The following PNOC variants were observed in gnomAD, a reference collection of about 807,000 sequenced individuals.
PNOC encodes prepronociceptin.
In PNOC, 10 loss-of-function variants were observed where a neutral mutation model predicts 15.6. That is an observed-to-expected ratio of 0.64 (90% CI 0.40 to 1.09). The LOEUF is 1.09. Ranked by LOEUF, PNOC falls within the 50% of genes least tolerant of loss-of-function variation. The pLI is 0.01. For synonymous variants in PNOC, 98 were observed against 88.5 expected, an observed-to-expected ratio of 1.11 and a Z score of -0.60; for missense variants, 220 against 223.9, an observed-to-expected ratio of 0.98 and a Z score of 0.11.
intron 2 of PNOC, among the ~76,000 whole-genome samples, chr8:28,333,893 T>C (rs1036273787): frequency 2.6e-5 from 4 of 152,176 alleles, no homozygotes; most frequent in South Asian, 2.1e-4. Flanking sequence ...ACTTTCCCAG[T>C]GCTAGCCACA....
At chr8:28,340,021 G>A (rs1348302586) in intron 3 of PNOC, 4 of 152,290 alleles carry the variant, frequency 2.6e-5, no homozygotes, top group Non-Finnish European at 4.4e-5. Flanking sequence ...ATTTTACCTG[G>A]ACAAAGAGTT....
chr8:28,337,936 G>T (rs1801441764), intron 2 of PNOC, among the ~76,000 whole-genome samples: 1 of 152,154 alleles, frequency 6.6e-6, no homozygotes, highest in Non-Finnish European at 1.5e-5. Context: ...CTCCAAGGAA[G>T]CTTGGGAAAC....
chr8:28,333,735 C>T (rs1478133967), intron 2 of PNOC, among the ~76,000 whole-genome samples: 1 of 152,162 alleles, frequency 6.6e-6, no homozygotes, highest in Non-Finnish European at 1.5e-5. Context: ...AAGATCTAAG[C>T]ACCTCCAAGT....
chr8:28,337,775 T>C (rs1450284609), intron 2 of PNOC, among the ~76,000 whole-genome samples: 1 of 148,828 alleles, frequency 6.7e-6, no homozygotes, highest in African/African-American at 2.5e-5. Flanking sequence ...GTATTTTTAG[T>C]AGAGATGGGG....
chr8:28,322,997 G>A (rs1801173180), intron 1 of PNOC, among the ~76,000 whole-genome samples: 3 of 152,228 alleles, frequency 2.0e-5, no homozygotes, highest in Admixed American at 2.0e-4. Flanking sequence ...AAGGATGGAG[G>A]TGTATCTGCC....
chr8:28,320,092 CTTTTTTTT>C (rs34876964), intron 1 of PNOC, among the ~76,000 whole-genome samples: 83 of 29,714 alleles, frequency 2.8e-3, no homozygotes, highest in African/African-American at 9.9e-3. Context: ...TTCTTTCTTT[CTTTTTTTT>C]TTTTTTTTTT....
chr8:28,322,822 T>G (rs571251159), intron 1 of PNOC, among the ~76,000 whole-genome samples: 1 of 152,362 alleles, frequency 6.6e-6, no homozygotes, highest in Non-Finnish European at 1.5e-5. Context: ...CTGGCTCTGC[T>G]ACTTATAAAC....
chr8:28,337,086 C>G lies in PNOC; in HGVS notation c.127-1954C>G, dbSNP rs540346684. On this transcript the variant is annotated intron_variant, in intron 2 of 3. Transcript: ENST00000301908. ...GTGAGAAGGGAACAGCCCAGGGCTG[C>G]AGTGGCAGCTCCAGTCTCCTCTCTC... is the stretch of plus-strand genomic sequence containing the variant. Among the ~76,000 whole-genome samples the G allele has an allele frequency of 1.0e-3, 154 of 152,282 alleles. 1 individual carries two copies. The highest frequency in any genetic ancestry group is 2.3e-3 in the African/African-American group (96 of 41,562).
rs377288105 is a variant in PNOC, at chr8:28,330,396, A to ATTTTATTTTATTTTT, written c.126+1117_126+1118insATTTTATTTTTTTTT. Among the ~76,000 whole-genome samples the ATTTTATTTTATTTTT allele has an allele frequency of 6.1e-4, 49 of 80,446 alleles. 1 individual carries two copies. The highest frequency in any genetic ancestry group is 1.2e-3 in the African/African-American group (31 of 25,666). The allele number at this position is 80,446 out of a possible 152,430, so 52.8% of individuals were successfully genotyped here. The stretch of plus-strand genomic sequence containing the variant: ...ATTTTATTTTATTTTATTTTATTTT[A>ATTTTATTTTATTTTT]TTTTTTTTTTTTTTTTGAGACGGAG... On this transcript the variant is annotated intron_variant, in intron 2 of 3. Coordinates refer to ENST00000301908, the MANE Select transcript of PNOC (RefSeq NM_006228.5).
intron 2 of PNOC, among the ~76,000 whole-genome samples, chr8:28,336,408 G>A (rs991062835): frequency 1.3e-5 from 2 of 152,228 alleles, no homozygotes; most frequent in East Asian, 1.9e-4. Flanking sequence ...TCAGAGAGGG[G>A]CAGCACTGGA....
chr8:28,320,399 G>A (rs1217329379), intron 1 of PNOC, among the ~76,000 whole-genome samples: 1 of 152,146 alleles, frequency 6.6e-6, no homozygotes, highest in Non-Finnish European at 1.5e-5. Context: ...GGTGGCCAGA[G>A]CGCTGGCTTC....
At chr8:28,318,108 C>T (rs1409586917) in intron 1 of PNOC, among the ~76,000 whole-genome samples, 1 of 152,084 alleles carries the variant, frequency 6.6e-6, no homozygotes, top group East Asian at 1.9e-4. Flanking sequence ...TCATAGTCAC[C>T]GCATCCCAAC....
chr8:28,338,090 T>A lies in PNOC; in HGVS notation c.127-950T>A, dbSNP rs145948651. ...CGCTATGATGAGGAGCTCTGCCTAC[T>A]GACTCACAGCAGTAAGGTCAGGTTG... On this transcript the variant is annotated intron_variant, in intron 2 of 3. Transcript: ENST00000301908. Among the ~76,000 whole-genome samples, 998 of 152,314 alleles carry A rather than the reference T, an allele frequency of 6.6e-3. 7 individuals are homozygous for A. Among genetic ancestry groups the A allele is most frequent in the African/African-American group, 0.023 (937 of 41,566 alleles).
chr8:28,325,457 C>G (rs937773042), intron 1 of PNOC, among the ~76,000 whole-genome samples: 1 of 151,888 alleles, frequency 6.6e-6, no homozygotes, highest in African/African-American at 2.4e-5. Context: ...AGTTCAAGAC[C>G]AGCCTGGCCA....
At chr8:28,330,581 A>AT (rs1933484725) in intron 2 of PNOC, among the ~76,000 whole-genome samples, 2 of 62,682 alleles carry the variant, frequency 3.2e-5, no homozygotes. Context: ...TTTTTTTTGT[A>AT]TTTTTAGTAG....
intron 2 of PNOC, among the ~76,000 whole-genome samples, chr8:28,335,918 GGA>G (rs1491446975): frequency 5.5e-4 from 40 of 73,200 alleles, no homozygotes; most frequent in Non-Finnish European, 6.3e-4. Context: ...TGTCTCCAAA[GGA>G]AAAAAAAAAA....
At chr8:28,326,600 GC>G (rs75187030) in intron 1 of PNOC, among the ~76,000 whole-genome samples, 34,526 of 152,046 alleles carry the variant, frequency 0.23, 4,719 homozygotes, top group Admixed American at 0.39. Context: ...GGTAGCATAT[GC>G]CTGTAATCTC....
In PNOC at chr8:28,339,150, T is replaced by C. The variant is rs1291081253; in HGVS notation, c.237T>C (p.His79=). The change falls in exon 3 of 4, where the codon CAT becomes CAC. Residue 79 remains histidine, a synonymous_variant. Transcript: ENST00000301908. The part of the protein sequence containing the change: ...SWQLSPAAPE[H]VAAALYQPRA... The stretch of plus-strand genomic sequence containing the variant: ...AGCTCAGCCCTGCCGCCCCAGAGCA[T>C]GTGGCGGCTGCTCTCTACCAGCCGA... 2 of 1,613,244 alleles carry C rather than the reference T, an allele frequency of 1.2e-6. No individual in the cohort carries two copies. Among genetic ancestry groups the C allele is most frequent in the Admixed American group, 3.3e-5 (2 of 59,998 alleles).
At chr8:28,338,132 C>A (rs1398611393) in intron 2 of PNOC, among the ~76,000 whole-genome samples, 2 of 152,142 alleles carry the variant, frequency 1.3e-5, no homozygotes, top group African/African-American at 4.8e-5. Flanking sequence ...GGTTTCCAGC[C>A]GGCTAAGGCC....
Sources: gnomAD v4.1 joint callset for allele counts (sites outside exome capture counted in the v4.1 genomes callset) on GRCh38, gnomAD v4.1.1 for gene constraint, MANE v1.5 for transcripts, NCBI Gene and HGNC (gene_info 2026-07-23, HGNC 2026-07-21) for gene names.